The following ENKUR variants were observed in gnomAD, a reference collection of about 807,000 sequenced individuals.
The protein encoded by ENKUR is enkurin.
Under a neutral mutation model 27.6 loss-of-function variants are expected in ENKUR, and 19 were observed. The ratio of observed to expected loss-of-function variants is 0.69; its 90% CI spans 0.48 to 1.01. The LOEUF (loss-of-function observed/expected upper bound fraction) is 1.01, where lower values mean the gene tolerates loss of function less well. ENKUR is among the 50% of genes least tolerant of loss of function. ENKUR has a pLI of 0.00. For missense variants in ENKUR, 312 were observed against 310.5 expected, an observed-to-expected ratio of 1.00 and a Z score of -0.04; for synonymous variants, 117 against 96.9, an observed-to-expected ratio of 1.21 and a Z score of -1.22.
At chr10:25,057,706 G>C (rs1851277209) in intron 2 of ENKUR, among the ~76,000 whole-genome samples, 1 of 152,024 alleles carries the variant, frequency 6.6e-6, no homozygotes, top group East Asian at 1.9e-4. Context: ...AAAGGGCATT[G>C]CCTCCCAATA....
intron 4 of ENKUR, among the ~76,000 whole-genome samples, chr10:24,987,231 C>T (rs1173123682): frequency 1.3e-5 from 2 of 152,214 alleles, no homozygotes; most frequent in Non-Finnish European, 2.9e-5. Context: ...CTTCTTGTGC[C>T]TGCTGCCTTT....
intron 2 of ENKUR, among the ~76,000 whole-genome samples, chr10:25,042,187 T>C (rs1327050247): frequency 6.6e-6 from 1 of 151,776 alleles, no homozygotes; most frequent in Non-Finnish European, 1.5e-5. Context: ...AATTATTTTA[T>C]GTACATTTAT....
At chr10:25,004,293 A>G (rs1375022214) in intron 1 of ENKUR, among the ~76,000 whole-genome samples, 2 of 152,184 alleles carry the variant, frequency 1.3e-5, no homozygotes, top group Admixed American at 6.5e-5. Context: ...GTATATATCC[A>G]GTTATGGGAT....
intron 2 of ENKUR, among the ~76,000 whole-genome samples, chr10:25,031,046 A>C (rs1216172731): frequency 1.3e-5 from 2 of 152,194 alleles, no homozygotes; most frequent in Non-Finnish European, 2.9e-5. Flanking sequence ...TGAATCCGGG[A>C]GGCAGAGATT....
At chr10:25,030,023 A>G (rs753384030) in intron 2 of ENKUR, among the ~76,000 whole-genome samples, 4 of 152,198 alleles carry the variant, frequency 2.6e-5, no homozygotes, top group Admixed American at 6.5e-5. Context: ...GGTACTAACA[A>G]CTGTTCATTA....
At chr10:25,034,579 A>G (rs1393952522) in intron 2 of ENKUR, among the ~76,000 whole-genome samples, 2 of 152,164 alleles carry the variant, frequency 1.3e-5, no homozygotes, top group Admixed American at 6.5e-5. Context: ...TTTTTTCTGG[A>G]ACCATCTTTC....
chr10:25,046,699 C>T (rs1052126974), intron 2 of ENKUR, among the ~76,000 whole-genome samples: 2 of 152,148 alleles, frequency 1.3e-5, no homozygotes, highest in East Asian at 3.8e-4. Context: ...AAAATCATGG[C>T]CCTTTCATAG....
intron 5 of ENKUR, 148 bp from the exon 6 acceptor site, chr10:24,984,524 T>A: frequency 8.4e-7 from 1 of 1,193,194 alleles, no homozygotes; most frequent in Non-Finnish European, 1.1e-6. Flanking sequence ...TAATAGTTTA[T>A]ATGTGGAAAA....
chr10:24,994,319 C>A (rs12784769), intron 3 of ENKUR, among the ~76,000 whole-genome samples: 54,839 of 146,222 alleles, frequency 0.38, 10,415 homozygotes, highest in East Asian at 0.5. Flanking sequence ...ACTTATTATT[C>A]TTTAGAATTC....
chr10:24,996,456 G>GTGTGTATATATA lies in ENKUR; in HGVS notation c.224-588_224-587insTATATATACACA, dbSNP rs757314440. Among the ~76,000 whole-genome samples, 689 of 149,768 alleles carry GTGTGTATATATA rather than the reference G, an allele frequency of 4.6e-3. 6 individuals carry two copies. Among genetic ancestry groups the GTGTGTATATATA allele is most frequent in the African/African-American group, 0.016 (652 of 40,660 alleles). On this transcript the variant is annotated intron_variant, in intron 2 of 5. Transcript: ENST00000331161. ...CATATATGTGTGTGTGTGTGTGTGTGTATATATATATATATGAACAGTATA... is the reference window on the plus strand; with the variant it reads ...CATATATGTGTGTGTGTGTGTGTGTGTGTGTATATATATATATATATATATATGAACAGTATA...
chr10:25,017,214 T>G (rs1253417459), upstream of ENKUR, among the ~76,000 whole-genome samples: 1 of 152,214 alleles, frequency 6.6e-6, no homozygotes, highest in Non-Finnish European at 1.5e-5. Context: ...CAGTTTTTGG[T>G]GTCCCTTGTT....
chr10:25,058,086 G>T (rs1003118583), intron 2 of ENKUR, among the ~76,000 whole-genome samples: 1 of 152,046 alleles, frequency 6.6e-6, no homozygotes, highest in Non-Finnish European at 1.5e-5. Flanking sequence ...CAGCTGAAAC[G>T]CTTCGTGCCC....
intron 2 of ENKUR, among the ~76,000 whole-genome samples, chr10:25,057,427 AC>A (rs1462408132): frequency 0.014 from 1,832 of 135,132 alleles, 22 homozygotes; most frequent in East Asian, 0.028. Flanking sequence ...ACACACACAC[AC>A]AATGCCCTTA....
chr10:25,061,241 A>T, exon 2 of ENKUR: 1 of 1,108,326 alleles, frequency 9.0e-7, no homozygotes, highest in Non-Finnish European at 1.3e-6. Flanking sequence ...GTTTGCAGCT[A>T]TATGGTTGAT....
intron 1 of ENKUR, among the ~76,000 whole-genome samples, chr10:25,003,776 G>C (rs1268798337): frequency 6.6e-6 from 1 of 152,088 alleles, no homozygotes; most frequent in Admixed American, 6.6e-5. Flanking sequence ...CATCACCCAG[G>C]TATTAAACCT....
chr10:25,024,060 G>T, intron 2 of ENKUR: 2 of 1,614,190 alleles, frequency 1.2e-6, no homozygotes, highest in Non-Finnish European at 1.7e-6. Context: ...GCTGCGGGGA[G>T]TGGAAAAGCC....
intron 2 of ENKUR, among the ~76,000 whole-genome samples, chr10:25,022,151 T>C (rs939618094): frequency 1.3e-5 from 2 of 152,208 alleles, no homozygotes; most frequent in Non-Finnish European, 2.9e-5. Context: ...GGTATTATAC[T>C]GCATTTTACG....
Position 25,016,030 on chromosome 10 carries a change from T to A in ENKUR, c.-94A>T. 1 of 1,507,400 alleles carries A rather than the reference T, an allele frequency of 6.6e-7. No homozygotes were observed. Among genetic ancestry groups the A allele is most frequent in the Non-Finnish European group, 8.9e-7 (1 of 1,126,326 alleles). The allele number at this position is 1,507,400 out of a possible 1,614,324, so 93.4% of individuals were successfully genotyped here. On this transcript the variant is annotated 5_prime_UTR_variant, in exon 1 of 6. Coordinates refer to ENST00000331161, the MANE Select transcript of ENKUR (RefSeq NM_145010.4). ...CTTTCTTCACTGCTTCCCCTTTCTTTCTTCTTCGCCTTCTGAAGGACCACA... is the reference window on the plus strand; with the variant it reads ...CTTTCTTCACTGCTTCCCCTTTCTTACTTCTTCGCCTTCTGAAGGACCACA...
At chr10:25,044,343 G>T (rs539691141) in intron 2 of ENKUR, among the ~76,000 whole-genome samples, 3 of 152,260 alleles carry the variant, frequency 2.0e-5, no homozygotes, top group African/African-American at 7.2e-5. Context: ...TTTAGAACTG[G>T]GATGTAGATT....
Sources: allele counts gnomAD v4.1 joint callset (sites outside exome capture counted in the v4.1 genomes callset), GRCh38; gene constraint gnomAD v4.1.1; transcripts MANE v1.5; gene names NCBI Gene and HGNC (gene_info 2026-07-23, HGNC 2026-07-21).